Variants in NTRK2 observed in about 807,000 individuals in gnomAD.
The protein encoded by NTRK2 is neurotrophic receptor tyrosine kinase 2, also known as BDNF/NT-3 growth factors receptor.
NTRK2 carries 13 observed loss-of-function variants against 94.5 expected under a neutral mutation model. The observed-to-expected ratio is 0.14, with a 90% CI of 0.09 to 0.22. The LOEUF (loss-of-function observed/expected upper bound fraction) is 0.22, where lower values mean the gene tolerates loss of function less well. NTRK2 is among the 10% of genes least tolerant of loss of function. The pLI is 1.00. For synonymous variants in NTRK2, 372 were observed against 407.4 expected, an observed-to-expected ratio of 0.91 and a Z score of 1.05; for missense variants, 639 against 1,071.2, an observed-to-expected ratio of 0.60 and a Z score of 5.63.
chr9:84,924,990 G>A (rs1055310263), intron 14 of NTRK2, among the ~76,000 whole-genome samples: 3 of 152,100 alleles, frequency 2.0e-5, no homozygotes, highest in Non-Finnish European at 2.9e-5. Context: ...GATGGCTCGC[G>A]TGTCTAGGCC....
chr9:84,712,490 G>A (rs939630169), intron 6 of NTRK2, among the ~76,000 whole-genome samples: 5 of 152,134 alleles, frequency 3.3e-5, no homozygotes, highest in African/African-American at 9.7e-5. Flanking sequence ...GATCGATTAG[G>A]ACTGAATGGT....
intron 12 of NTRK2, chr9:84,815,404 C>T: frequency 9.6e-7 from 1 of 1,043,994 alleles, no homozygotes; most frequent in South Asian, 4.6e-5. Context: ...TGAGTATAAA[C>T]ACATACAAAG....
At chr9:85,000,379 T>G (rs1830206232) in intron 17 of NTRK2, among the ~76,000 whole-genome samples, 1 of 152,190 alleles carries the variant, frequency 6.6e-6, no homozygotes, top group Admixed American at 6.5e-5. Context: ...CTAAAAATCC[T>G]CCGTGTGTCT....
At chr9:84,697,207 G>T (rs543151218) in intron 2 of NTRK2, among the ~76,000 whole-genome samples, 27 of 152,344 alleles carry the variant, frequency 1.8e-4, no homozygotes, top group South Asian at 2.1e-4. Flanking sequence ...TGCAGGCTGG[G>T]GGGTGGAGGG....
At chr9:84,798,384 T>C (rs1012940990) in intron 12 of NTRK2, among the ~76,000 whole-genome samples, 3 of 152,160 alleles carry the variant, frequency 2.0e-5, no homozygotes, top group Non-Finnish European at 4.4e-5. Context: ...AATTTTCATA[T>C]CAAAACAATG....
chr9:84,912,485 CCT>C (rs370968114), intron 14 of NTRK2, among the ~76,000 whole-genome samples: 6 of 131,602 alleles, frequency 4.6e-5, no homozygotes, highest in Admixed American at 1.6e-4. Context: ...ATTTCATATC[CCT>C]CTCTCTCTCT....
At chr9:84,734,920 AG>A (rs1325411962) in intron 9 of NTRK2, among the ~76,000 whole-genome samples, 5 of 152,172 alleles carry the variant, frequency 3.3e-5, no homozygotes, top group African/African-American at 4.8e-5. Flanking sequence ...GGTCAGTCTT[AG>A]ATCTTTCTGC....
In NTRK2 at chr9:85,020,377, T is replaced by C. The variant is rs2117949637; in HGVS notation, c.2331+13T>C. 1 of 1,614,036 alleles carries C rather than the reference T, an allele frequency of 6.2e-7. No homozygotes were observed. On this transcript the variant is annotated intron_variant, in intron 18 of 18. Transcript: ENST00000277120. Reference sequence around the variant, plus strand: ...GTCAAACAATGAGGTGTGCAATGGGTCTGGCCAAGACCCTCCAGAGGGCTG... The same window carrying C: ...GTCAAACAATGAGGTGTGCAATGGGCCTGGCCAAGACCCTCCAGAGGGCTG...
intron 14 of NTRK2, among the ~76,000 whole-genome samples, chr9:84,898,955 C>G (rs187837879): frequency 2.5e-3 from 385 of 152,258 alleles, no homozygotes; most frequent in African/African-American, 8.9e-3. Flanking sequence ...ACCACCTCAG[C>G]CTCCCAAAGT....
chr9:85,012,264 G>C (rs544781902), intron 17 of NTRK2, among the ~76,000 whole-genome samples: 1 of 152,226 alleles, frequency 6.6e-6, no homozygotes, highest in South Asian at 2.1e-4. Context: ...TGGAATTACA[G>C]ATGTGAGCCA....
chr9:84,790,773 A>C (rs945403776), intron 12 of NTRK2, among the ~76,000 whole-genome samples: 6 of 152,186 alleles, frequency 3.9e-5, no homozygotes, highest in Non-Finnish European at 7.4e-5. Context: ...CAAAATTTTC[A>C]GTTCAAGATA....
At position 84,686,985 on chromosome 9, in the gene NTRK2, T is replaced by G. The variant is rs998234959; in HGVS notation, c.213-15174T>G. Reference sequence around the variant, plus strand: ...TATTTATGCTTATATAATCAGTATATTCATAATACGTATACAAATGAAAGT... The same window carrying G: ...TATTTATGCTTATATAATCAGTATAGTCATAATACGTATACAAATGAAAGT... On this transcript the variant is annotated intron_variant, in intron 2 of 18. Coordinates refer to ENST00000277120, the MANE Select transcript of NTRK2 (RefSeq NM_006180.6). Among the ~76,000 whole-genome samples, 10 of 152,240 alleles carry G rather than the reference T, an allele frequency of 6.6e-5. No homozygotes were observed. In the South Asian group the frequency reaches 1.4e-3, roughly 22 times the overall value.
At chr9:84,999,069 T>C (rs1451734915) in intron 17 of NTRK2, among the ~76,000 whole-genome samples, 1 of 152,232 alleles carries the variant, frequency 6.6e-6, no homozygotes, top group Non-Finnish European at 1.5e-5. Flanking sequence ...GCCCCTGTCT[T>C]TGGCCTGCAT....
intron 17 of NTRK2, among the ~76,000 whole-genome samples, chr9:84,993,842 A>G (rs1009021017): frequency 6.6e-6 from 1 of 152,044 alleles, no homozygotes; most frequent in Non-Finnish European, 1.5e-5. Context: ...CACTCTCTAC[A>G]TCTAGATGAT....
At chr9:84,747,598 C>T (rs2064203987) in intron 11 of NTRK2, among the ~76,000 whole-genome samples, 1 of 151,766 alleles carries the variant, frequency 6.6e-6, no homozygotes, top group Admixed American at 6.6e-5. Flanking sequence ...CTGCCTCAGC[C>T]TCCCGAGTAG....
chr9:84,974,722 G>T (rs1826598836), intron 17 of NTRK2, among the ~76,000 whole-genome samples: 1 of 152,106 alleles, frequency 6.6e-6, no homozygotes, highest in Non-Finnish European at 1.5e-5. Context: ...AGAACCTCTT[G>T]GTTTCCACCC....
rs1473265766 is a variant in NTRK2, at chr9:85,024,509, A to G, written c.*3072A>G. The stretch of plus-strand genomic sequence containing the variant: ...TGTAGATGAGGACGTTGAGACTCAG[A>G]GACATTCAGAGGCACGCTAGAGGTC... On this transcript the variant is annotated 3_prime_UTR_variant, in exon 19 of 19. Coordinates refer to ENST00000277120, the MANE Select transcript of NTRK2 (RefSeq NM_006180.6). 8.6e-6 allele frequency: 2 copies of G among 232,566 alleles called. No homozygotes were observed. Among genetic ancestry groups the G allele is most frequent in the Non-Finnish European group, 1.7e-5 (2 of 117,814 alleles). The allele number at this position is 232,566 out of a possible 1,614,324, so 14.4% of individuals were successfully genotyped here. A position where few individuals can be genotyped will look rare whatever the true frequency, so the allele number is the denominator to read the frequency against.
chr9:84,911,666 A>T (rs959745271), intron 14 of NTRK2, among the ~76,000 whole-genome samples: 2 of 152,092 alleles, frequency 1.3e-5, no homozygotes, highest in African/African-American at 2.4e-5. Context: ...TTGTATTACT[A>T]GAAGTTTGTC....
intron 17 of NTRK2, among the ~76,000 whole-genome samples, chr9:84,960,242 G>T (rs1176695392): frequency 6.6e-6 from 1 of 152,146 alleles, no homozygotes; most frequent in Non-Finnish European, 1.5e-5. Context: ...GAGAAAGGAA[G>T]ATGTGTGGTA....
Sources: allele counts gnomAD v4.1 joint callset (sites outside exome capture counted in the v4.1 genomes callset), GRCh38; gene constraint gnomAD v4.1.1; transcripts MANE v1.5; gene names NCBI Gene and HGNC (gene_info 2026-07-23, HGNC 2026-07-21).